Variants in NECTIN3 observed in about 807,000 individuals in gnomAD.
NECTIN3 encodes the protein nectin cell adhesion molecule 3, also known as nectin-3.
In NECTIN3, 8 loss-of-function variants were observed where a neutral mutation model predicts 49.4. That is an observed-to-expected ratio of 0.16 (90% CI 0.10 to 0.29). NECTIN3 has a LOEUF of 0.29. NECTIN3 is among the 10% of genes least tolerant of loss of function. The pLI is 1.00. For synonymous variants in NECTIN3, 277 were observed against 241.1 expected (o/e 1.15, Z -1.38); for missense variants, 581 against 654.6 (o/e 0.89, Z 1.23).
chr3:111,115,152 A>G (rs1236316394), intron 2 of NECTIN3, among the ~76,000 whole-genome samples: 1 of 152,220 alleles, frequency 6.6e-6, no homozygotes, highest in African/African-American at 2.4e-5. Flanking sequence ...TGTTAAACTC[A>G]TAATGTCTCC....
intron 7 of NECTIN3, among the ~76,000 whole-genome samples, chr3:111,156,095 A>G (rs181358559): frequency 3.9e-5 from 6 of 152,264 alleles, no homozygotes; most frequent in Admixed American, 2.0e-4. Context: ...TCATGGTGTT[A>G]TATTAACTCC....
chr3:111,137,312 T>A lies in NECTIN3; in HGVS notation c.*3097T>A. On this transcript the variant is annotated 3_prime_UTR_variant, in exon 6 of 6. Transcript: ENST00000485303. ...AGATTGTAGATTGAATTGTCTTTCC[T>A]GTTTACTTGTTAATTAGAAAATGCA... 3.1e-6 allele frequency: 3 copies of A among 971,548 alleles called. No individual in the cohort carries two copies. Among genetic ancestry groups the A allele is most frequent in the Non-Finnish European group, 3.7e-6 (3 of 817,478 alleles). 60.2% of individuals were successfully genotyped at this position (971,548 alleles called of 1,614,324 possible).
intron 5 of NECTIN3, among the ~76,000 whole-genome samples, chr3:111,130,798 A>G (rs1440157900): frequency 1.3e-5 from 2 of 152,140 alleles, no homozygotes; most frequent in Non-Finnish European, 2.9e-5. Context: ...CAAGAGGTAT[A>G]GTAGCTCTTT....
chr3:111,160,614 A>AT (rs563550517), intron 7 of NECTIN3, among the ~76,000 whole-genome samples: 11 of 152,034 alleles, frequency 7.2e-5, no homozygotes, highest in African/African-American at 2.7e-4. Context: ...CACTGTATAG[A>AT]TTTTTTTTCT....
At chr3:111,125,623 A>C (rs1310708287) in intron 4 of NECTIN3, among the ~76,000 whole-genome samples, 1 of 152,178 alleles carries the variant, frequency 6.6e-6, no homozygotes, top group Admixed American at 6.5e-5. Context: ...CCCACCTTAC[A>C]AGTGAAATTA....
intron 1 of NECTIN3, among the ~76,000 whole-genome samples, chr3:111,081,953 C>A (rs1445479738): frequency 6.6e-6 from 1 of 152,170 alleles, no homozygotes; most frequent in Non-Finnish European, 1.5e-5. Context: ...GATTGTATAG[C>A]TCTGGCAGAA....
chr3:111,072,672 G>A (rs972295192), intron 1 of NECTIN3: 4 of 1,215,066 alleles, frequency 3.3e-6, no homozygotes, highest in Admixed American at 2.2e-5. Flanking sequence ...AGCCCACCCA[G>A]CCGCAGAATC....
intron 1 of NECTIN3, among the ~76,000 whole-genome samples, chr3:111,093,270 A>G (rs1278997997): frequency 2.6e-5 from 4 of 152,152 alleles, no homozygotes; most frequent in Admixed American, 6.5e-5. Flanking sequence ...AAGGAATTCC[A>G]TTTTATCACA....
intron 7 of NECTIN3, among the ~76,000 whole-genome samples, chr3:111,160,825 G>A (rs2035198680): frequency 6.6e-6 from 1 of 152,150 alleles, no homozygotes; most frequent in Admixed American, 6.5e-5. Context: ...GGCTAACACG[G>A]TGAAACCCTG....
intron 7 of NECTIN3, among the ~76,000 whole-genome samples, chr3:111,168,818 C>T (rs2035372578): frequency 6.6e-6 from 1 of 152,198 alleles, no homozygotes; most frequent in African/African-American, 2.4e-5. Context: ...GAATCCTCTA[C>T]TGCTGCCTTT....
chr3:111,193,307 G>T, intron 1 of NECTIN3: 1 of 1,535,816 alleles, frequency 6.5e-7, no homozygotes, highest in South Asian at 1.2e-5. Context: ...ACCAAGACCG[G>T]AGCCCTGGCA....
At chr3:111,128,881 G>A (rs1045151289) in intron 5 of NECTIN3, among the ~76,000 whole-genome samples, 2 of 152,186 alleles carry the variant, frequency 1.3e-5, no homozygotes, top group South Asian at 4.1e-4. Context: ...AGCAGCTAGG[G>A]TAGTTCTTTT....
intron 1 of NECTIN3, among the ~76,000 whole-genome samples, chr3:111,110,144 A>G (rs1003259196): frequency 6.6e-6 from 1 of 151,950 alleles, no homozygotes; most frequent in African/African-American, 2.4e-5. Context: ...AGATTTTTCA[A>G]ATAATAATTA....
chr3:111,152,652 A>G (rs1230638566), intron 7 of NECTIN3, among the ~76,000 whole-genome samples: 3 of 151,914 alleles, frequency 2.0e-5, no homozygotes, highest in South Asian at 2.1e-4. Flanking sequence ...GCTCCATGGT[A>G]TCCAAATCTG....
chr3:111,094,208 T>C (rs1412671825), intron 1 of NECTIN3, among the ~76,000 whole-genome samples: 1 of 152,120 alleles, frequency 6.6e-6, no homozygotes, highest in African/African-American at 2.4e-5. Context: ...GTGACAATAC[T>C]TTTATATCAC....
chr3:111,108,916 T>G (rs2033331827), intron 1 of NECTIN3, among the ~76,000 whole-genome samples: 1 of 152,156 alleles, frequency 6.6e-6, no homozygotes, highest in Admixed American at 6.5e-5. Context: ...CAACATGAAA[T>G]TTGTAGGGGA....
rs541139082 is a variant in NECTIN3 at position 111,099,655 on chromosome 3, G to A, written c.161-12375G>A. 2.3e-3 allele frequency among the ~76,000 whole-genome samples: 345 copies of A among 151,976 alleles called. 1 individual carries two copies. Among genetic ancestry groups the A allele is most frequent in the African/African-American group, 6.8e-3 (283 of 41,434 alleles). The stretch of plus-strand genomic sequence containing the variant: ...CCTTCAGTTGTCTTAGAGTATCTAC[G>A]TGTCTCAAACAAAAATTTGCAGTCA... On this transcript the variant is annotated intron_variant, in intron 1 of 5. Coordinates refer to ENST00000485303, the MANE Select transcript of NECTIN3 (RefSeq NM_015480.3).
At chr3:111,122,380 C>T (rs2033993619) in intron 4 of NECTIN3, 142 bp downstream of exon 4, 2 of 586,656 alleles carry the variant, frequency 3.4e-6, no homozygotes, top group East Asian at 3.0e-5. Context: ...TATCCTTCCC[C>T]ACCTGTCCCC....
At chr3:111,146,532 T>C (rs2107509234) in intron 6 of NECTIN3, among the ~76,000 whole-genome samples, 1 of 152,306 alleles carries the variant, frequency 6.6e-6, no homozygotes, top group African/African-American at 2.4e-5. Flanking sequence ...ACTGGTAGGT[T>C]AACAAATTAA....
Sources: allele counts gnomAD v4.1 joint callset (sites outside exome capture counted in the v4.1 genomes callset), GRCh38; gene constraint gnomAD v4.1.1; transcripts MANE v1.5; gene names NCBI Gene and HGNC (gene_info 2026-07-23, HGNC 2026-07-21).